QTMAN: variants seen among roughly 807,000 people sequenced by gnomAD.
QTMAN encodes the protein tRNA-queuosine alpha-mannosyltransferase.
At chr2:144,251,680 GAT>G in the QTMAN span, among the ~76,000 whole-genome samples, 1 of 151,930 alleles carries the variant, frequency 6.6e-6, no homozygotes, top group South Asian at 2.1e-4. Flanking sequence ...TGACTTTTTA[GAT>G]ATAACACCAA....
At chr2:144,213,260 G>A in the QTMAN span, among the ~76,000 whole-genome samples, 2 of 152,076 alleles carry the variant, frequency 1.3e-5, no homozygotes, top group South Asian at 2.1e-4. Flanking sequence ...CCTAAGCCAT[G>A]ATCATTTTCA....
the QTMAN span, among the ~76,000 whole-genome samples, chr2:144,276,537 C>T: frequency 6.6e-6 from 1 of 152,114 alleles, no homozygotes; most frequent in Non-Finnish European, 1.5e-5. Context: ...CAGACCTAAT[C>T]TAACCTAATC....
chr2:144,238,738 C>T, the QTMAN span, among the ~76,000 whole-genome samples: 2 of 152,066 alleles, frequency 1.3e-5, no homozygotes, highest in African/African-American at 2.4e-5. Flanking sequence ...ACCAACTATC[C>T]CCATGAAAAA....
At chr2:144,221,463 A>G in the QTMAN span, among the ~76,000 whole-genome samples, 1 of 152,244 alleles carries the variant, frequency 6.6e-6, no homozygotes, top group Non-Finnish European at 1.5e-5. Context: ...ATATAAAAAC[A>G]TATTATGAAA....
the QTMAN span, among the ~76,000 whole-genome samples, chr2:144,321,248 C>T: frequency 6.6e-6 from 1 of 152,200 alleles, no homozygotes; most frequent in Admixed American, 6.5e-5. Context: ...GTCTCTTGAG[C>T]ATTGCTTCAA....
the QTMAN span, among the ~76,000 whole-genome samples, chr2:143,989,277 T>A: frequency 6.6e-6 from 1 of 152,000 alleles, no homozygotes; most frequent in Admixed American, 6.5e-5. Flanking sequence ...ATGTAATAAA[T>A]CCATTCATAG....
chr2:144,316,723 C>A, the QTMAN span, among the ~76,000 whole-genome samples: 7 of 152,196 alleles, frequency 4.6e-5, no homozygotes, highest in African/African-American at 1.7e-4. Context: ...CATTCTACAA[C>A]ACTAACATGA....
At chr2:144,102,126 C>T in the QTMAN span, among the ~76,000 whole-genome samples, 11 of 152,166 alleles carry the variant, frequency 7.2e-5, no homozygotes, top group East Asian at 3.8e-4. Context: ...AATGACAGAG[C>T]TTGGTCTTTA....
the QTMAN span, among the ~76,000 whole-genome samples, chr2:144,150,021 A>C: frequency 2.6e-5 from 4 of 152,030 alleles, no homozygotes; most frequent in South Asian, 4.1e-4. Flanking sequence ...CATACATTTT[A>C]GTAATGATTC....
At chr2:144,311,549 AAAG>A in the QTMAN span, among the ~76,000 whole-genome samples, 1 of 152,246 alleles carries the variant, frequency 6.6e-6, no homozygotes, top group Admixed American at 6.5e-5. Flanking sequence ...TTGATGGTTG[AAAG>A]CATTATTTAA....
At chr2:144,127,865 CT>C in the QTMAN span, 2 of 152,050 alleles carry the variant, frequency 1.3e-5, no homozygotes, top group African/African-American at 4.8e-5. Context: ...GTTCTTCCCC[CT>C]GTACCACATT....
chr2:144,191,217 G>A, the QTMAN span, among the ~76,000 whole-genome samples: 1 of 152,088 alleles, frequency 6.6e-6, no homozygotes, highest in East Asian at 1.9e-4. Flanking sequence ...ATCTTTTGCT[G>A]CTTGAAAAAG....
chr2:144,068,453 C>A, the QTMAN span, among the ~76,000 whole-genome samples: 1,164 of 152,236 alleles, frequency 7.6e-3, 16 homozygotes, highest in African/African-American at 0.026. Context: ...GCTTTTACTG[C>A]TATTTATGTC....
chr2:144,085,685 G>A, the QTMAN span, among the ~76,000 whole-genome samples: 938 of 152,250 alleles, frequency 6.2e-3, 12 homozygotes, highest in African/African-American at 0.021. Flanking sequence ...TGTGAACCAG[G>A]TACTGCTCCA....
At chr2:144,052,746 G>A in the QTMAN span, among the ~76,000 whole-genome samples, 2 of 152,260 alleles carry the variant, frequency 1.3e-5, no homozygotes, top group East Asian at 3.9e-4. Context: ...CTGCCTCCTG[G>A]GTTCAAGCGA....
chr2:143,946,380 A>G, the QTMAN span: 1 of 152,262 alleles, frequency 6.6e-6, no homozygotes, highest in Admixed American at 6.5e-5. Flanking sequence ...TCATGGGAAT[A>G]CCTGCCAGAC....
At chr2:144,060,068 T>C in the QTMAN span, among the ~76,000 whole-genome samples, 1 of 152,262 alleles carries the variant, frequency 6.6e-6, no homozygotes, top group East Asian at 1.9e-4. Flanking sequence ...CCTGGAATAA[T>C]ATCTACCTTC....
the QTMAN span, among the ~76,000 whole-genome samples, chr2:143,984,698 C>T: frequency 2.0e-5 from 3 of 152,072 alleles, no homozygotes; most frequent in Non-Finnish European, 4.4e-5. Context: ...ACTCAGTGGA[C>T]ACACACACAC....
At chr2:144,105,940 G>A in the QTMAN span, among the ~76,000 whole-genome samples, 1 of 152,100 alleles carries the variant, frequency 6.6e-6, no homozygotes, top group Non-Finnish European at 1.5e-5. Flanking sequence ...AGAGAGTGGG[G>A]GGCCAATATT....
Sources: allele counts gnomAD v4.1 joint callset (sites outside exome capture counted in the v4.1 genomes callset), GRCh38; gene constraint gnomAD v4.1.1; transcripts MANE v1.5; gene names NCBI Gene and HGNC (gene_info 2026-07-23, HGNC 2026-07-21).